The following RGS7 variants were observed in gnomAD, a reference collection of about 807,000 sequenced individuals.
RGS7 encodes regulator of G protein signaling 7.
A neutral mutation model predicts 81.1 loss-of-function variants in RGS7; 27 were observed. The observed-to-expected ratio is 0.33, with a 90% CI of 0.25 to 0.46. RGS7 has a LOEUF of 0.46. RGS7 is among the 20% of genes least tolerant of loss of function. The pLI is 1.00. For missense variants in RGS7, 396 were observed against 607.4 expected, an observed-to-expected ratio of 0.65 and a Z score of 3.66; for synonymous variants, 208 against 207.7, an observed-to-expected ratio of 1.00 and a Z score of -0.01.
chr1:241,123,180 C>T (rs2066408415), intron 2 of RGS7, among the ~76,000 whole-genome samples: 2 of 152,294 alleles, frequency 1.3e-5, no homozygotes, highest in South Asian at 4.1e-4. Context: ...GGTCCTTAGC[C>T]TCAGCAACAC....
intron 2 of RGS7, among the ~76,000 whole-genome samples, chr1:241,168,807 C>T (rs1303577804): frequency 2.0e-5 from 3 of 152,024 alleles, no homozygotes; most frequent in Non-Finnish European, 2.9e-5. Context: ...GCCAAGAGCC[C>T]AATGAGCAGA....
intron 4 of RGS7, among the ~76,000 whole-genome samples, chr1:240,975,740 G>C (rs1572079397): frequency 6.6e-6 from 1 of 152,206 alleles, no homozygotes; most frequent in East Asian, 1.9e-4. Context: ...TAGTCATAAA[G>C]CATGTTTACT....
chr1:241,033,550 C>G (rs1282294265), intron 3 of RGS7, among the ~76,000 whole-genome samples: 1 of 151,602 alleles, frequency 6.6e-6, no homozygotes, highest in Non-Finnish European at 1.5e-5. Flanking sequence ...TTTTATGAGG[C>G]TAAATAGGGT....
At chr1:241,137,727 A>G (rs766462849) in intron 2 of RGS7, among the ~76,000 whole-genome samples, 3 of 152,358 alleles carry the variant, frequency 2.0e-5, no homozygotes, top group East Asian at 1.9e-4. Flanking sequence ...GAAATTGGCA[A>G]TGGCAGGAGT....
intron 4 of RGS7, among the ~76,000 whole-genome samples, chr1:240,937,171 C>A (rs1272181229): frequency 6.6e-6 from 1 of 152,158 alleles, no homozygotes; most frequent in Middle Eastern, 3.2e-3. Context: ...TGGTACGACT[C>A]CAGCCAATGG....
intron 2 of RGS7, among the ~76,000 whole-genome samples, chr1:241,202,416 A>G (rs1270374146): frequency 6.6e-6 from 1 of 152,244 alleles, no homozygotes; most frequent in Admixed American, 6.5e-5. Flanking sequence ...CAGATTAACA[A>G]GAGAAAAGGC....
chr1:240,909,625 T>C (rs1671394692), intron 6 of RGS7, among the ~76,000 whole-genome samples: 1 of 152,194 alleles, frequency 6.6e-6, no homozygotes, highest in Non-Finnish European at 1.5e-5. Flanking sequence ...CACAAGGAGA[T>C]ACAGTTATGA....
intron 10 of RGS7, among the ~76,000 whole-genome samples, chr1:240,817,531 T>C (rs903632525): frequency 6.6e-6 from 1 of 152,126 alleles, no homozygotes; most frequent in Non-Finnish European, 1.5e-5. Context: ...GTCTTGACTC[T>C]GTATCTGTCT....
intron 5 of RGS7, among the ~76,000 whole-genome samples, chr1:240,932,940 G>A (rs1317577673): frequency 1.7e-5 from 2 of 121,140 alleles, no homozygotes; most frequent in African/African-American, 3.2e-5. Flanking sequence ...CTGGACTGCA[G>A]TGGCGCGATC....
chr1:241,292,277 A>G (rs7551337), intron 2 of RGS7, among the ~76,000 whole-genome samples: 18,748 of 152,242 alleles, frequency 0.12, 1,286 homozygotes, highest in Middle Eastern at 0.17. Context: ...TAGTAAATAC[A>G]TAAACCAGTA....
chr1:240,853,646 C>T (rs1221128550), intron 9 of RGS7, among the ~76,000 whole-genome samples: 1 of 152,074 alleles, frequency 6.6e-6, no homozygotes, highest in East Asian at 1.9e-4. Context: ...TGACTCACGC[C>T]TGAAACCCCA....
At chr1:240,803,444 A>G (rs1349181625) in intron 15 of RGS7, among the ~76,000 whole-genome samples, 1 of 152,144 alleles carries the variant, frequency 6.6e-6, no homozygotes, top group Non-Finnish European at 1.5e-5. Context: ...AGAAGAATCA[A>G]ATCATCTCTT....
intron 13 of RGS7, 75 bp from the exon 14 acceptor site, chr1:240,812,118 C>A: frequency 1.9e-6 from 3 of 1,538,634 alleles, no homozygotes; most frequent in Non-Finnish European, 2.7e-6. Context: ...CATTCCCCTT[C>A]AAAATCATGT....
chr1:240,909,001 T>G (rs1671294899), intron 6 of RGS7, among the ~76,000 whole-genome samples: 1 of 152,176 alleles, frequency 6.6e-6, no homozygotes. Context: ...GACCTCTAAT[T>G]CGGACTTTCC....
intron 6 of RGS7, among the ~76,000 whole-genome samples, chr1:240,896,518 C>G (rs1669120258): frequency 6.6e-6 from 1 of 152,154 alleles, no homozygotes; most frequent in Non-Finnish European, 1.5e-5. Context: ...CCAGTTTTCC[C>G]AGCACCATTT....
At chr1:241,068,657 C>T (rs886112275) in intron 3 of RGS7, among the ~76,000 whole-genome samples, 2 of 151,960 alleles carry the variant, frequency 1.3e-5, no homozygotes, top group East Asian at 1.9e-4. Context: ...CATCTTTTCT[C>T]GAGACAGACT....
rs574174961 is a variant in RGS7 at position 241,182,028 on chromosome 1, C to T, written c.79-83266G>A. Among the ~76,000 whole-genome samples the T allele has an allele frequency of 1.3e-4, 20 of 152,270 alleles. No homozygotes were observed. The South Asian group carries it at 2.9e-3, about 22-fold the overall frequency. On this transcript the variant is annotated intron_variant, in intron 2 of 18. Transcript: ENST00000440928. ...TTAACAGATCAGGAAGCATCAGTAC[C>T]GTGCAGAGTCACAACCTATAGCATT...
chr1:240,919,705 T>C (rs1024566609), intron 6 of RGS7: 21 of 600,600 alleles, frequency 3.5e-5, no homozygotes, highest in Non-Finnish European at 5.5e-5. Flanking sequence ...AGCTCTTCAT[T>C]GGAGGGCTGA....
At chr1:241,348,067 C>T (rs2083015960) in intron 2 of RGS7, among the ~76,000 whole-genome samples, 1 of 152,106 alleles carries the variant, frequency 6.6e-6, no homozygotes, top group African/African-American at 2.4e-5. Flanking sequence ...GCCACCAAGA[C>T]CATTTAAAGT....
Sources: allele counts gnomAD v4.1 joint callset (sites outside exome capture counted in the v4.1 genomes callset), GRCh38; gene constraint gnomAD v4.1.1; transcripts MANE v1.5; gene names NCBI Gene and HGNC (gene_info 2026-07-23, HGNC 2026-07-21).